SH3RF3: variants seen among roughly 807,000 people sequenced by gnomAD.
The protein encoded by SH3RF3 is E3 ubiquitin-protein ligase SH3RF3.
Under a neutral mutation model 66.3 loss-of-function variants are expected in SH3RF3, and 29 were observed. The ratio of observed to expected loss-of-function variants is 0.44; its 90% CI spans 0.33 to 0.60. SH3RF3 has a LOEUF of 0.60. Among genes scored for constraint, SH3RF3 ranks in the 20% least tolerant of loss-of-function variants. The pLI, the probability that SH3RF3 is intolerant of heterozygous loss-of-function variation, is 0.04. For synonymous variants in SH3RF3, 583 were observed against 532.0 expected, an observed-to-expected ratio of 1.10 and a Z score of -1.32; for missense variants, 1,194 against 1,190.9, an observed-to-expected ratio of 1.00 and a Z score of -0.04.
chr2:109,316,854 C>CT (rs1681897438), intron 1 of SH3RF3, among the ~76,000 whole-genome samples: 1 of 152,234 alleles, frequency 6.6e-6, no homozygotes, highest in South Asian at 2.1e-4. Context: ...TGTACTGTCG[C>CT]TGTAGTTCTG....
rs1678269881 is a variant in SH3RF3, at chr2:109,463,866, G to A, written c.2148+14377G>A. The stretch of plus-strand genomic sequence containing the variant: ...CTGTCACAACTGATTCCCTCAGCTG[G>A]GCTTTGAGGACTCTGCCAGAGGTGG... On this transcript the variant is annotated intron_variant, in intron 8 of 9. Transcript: ENST00000309415. 2.6e-5 allele frequency among the ~76,000 whole-genome samples: 4 copies of A among 152,132 alleles called. No homozygotes were observed. The South Asian group carries it at 8.3e-4, about 32-fold the overall frequency.
chr2:109,230,468 T>C (rs961647221), intron 1 of SH3RF3, among the ~76,000 whole-genome samples: 1 of 152,106 alleles, frequency 6.6e-6, no homozygotes, highest in African/African-American at 2.4e-5. Context: ...TTATCCCAGT[T>C]ACTCGGGGGG....
chr2:109,481,029 G>A (rs1032599366), intron 8 of SH3RF3, among the ~76,000 whole-genome samples: 2 of 152,334 alleles, frequency 1.3e-5, no homozygotes, highest in Non-Finnish European at 2.9e-5. Context: ...CAGGCAAGAG[G>A]ACACCGATAG....
intron 5 of SH3RF3, among the ~76,000 whole-genome samples, chr2:109,422,450 C>T (rs1676908082): frequency 6.6e-6 from 1 of 152,198 alleles, no homozygotes; most frequent in South Asian, 2.1e-4. Context: ...CTTGCCCCTT[C>T]TTCCAGCATG....
At chr2:109,375,400 G>A (rs1559049851) in intron 3 of SH3RF3, among the ~76,000 whole-genome samples, 1 of 152,222 alleles carries the variant, frequency 6.6e-6, no homozygotes, top group Non-Finnish European at 1.5e-5. Context: ...AGCGCCCCTT[G>A]CCAGGAGCCT....
At chr2:109,401,683 C>G (rs752507496) in intron 4 of SH3RF3, among the ~76,000 whole-genome samples, 2 of 152,200 alleles carry the variant, frequency 1.3e-5, no homozygotes, top group Non-Finnish European at 2.9e-5. Context: ...TCCCACAGGC[C>G]CCTGAGATGT....
chr2:109,376,021 G>A (rs547550772), intron 3 of SH3RF3, among the ~76,000 whole-genome samples: 1 of 152,390 alleles, frequency 6.6e-6, no homozygotes, highest in African/African-American at 2.4e-5. Context: ...GACGTCATGG[G>A]CTAGCCATGG....
chr2:109,304,573 C>T (rs376867250), intron 1 of SH3RF3, among the ~76,000 whole-genome samples: 2 of 152,270 alleles, frequency 1.3e-5, no homozygotes, highest in South Asian at 2.1e-4. Flanking sequence ...CCGCTGCACC[C>T]GTCGGCACTG....
chr2:109,490,693 A>G lies in SH3RF3; in HGVS notation c.2237A>G (p.His746Arg). Reference sequence around the variant, plus strand: ...TCCCCGCCATCTGTGTCTCCAACCCACGACCCCCAGGTGGCCGTGGACGCC... The same window carrying G: ...TCCCCGCCATCTGTGTCTCCAACCCGCGACCCCCAGGTGGCCGTGGACGCC... Reference protein sequence around the residue: ...SRSPPSVSPTHDPQVAVDALL... With the variant: ...SRSPPSVSPTRDPQVAVDALL... Residue 746 changes from histidine (H) to arginine (R), a missense_variant, in exon 9 of 10, where the codon CAC becomes CGC. Physicochemically the swap from His to Arg is conservative, Grantham distance 29 (BLOSUM62 0). Transcript: ENST00000309415. 2 of 1,531,048 alleles carry G rather than the reference A, an allele frequency of 1.3e-6. No homozygotes were observed. Among genetic ancestry groups the G allele is most frequent in the East Asian group, 4.9e-5 (2 of 40,618 alleles). The allele number at this position is 1,531,048 out of a possible 1,614,324, so 94.8% of individuals were successfully genotyped here.
chr2:109,285,467 AGT>A (rs1383886960), intron 1 of SH3RF3, among the ~76,000 whole-genome samples: 1 of 152,142 alleles, frequency 6.6e-6, no homozygotes, highest in Non-Finnish European at 1.5e-5. Context: ...CGTTTTTGTT[AGT>A]GTGTCTGGAC....
In SH3RF3 at chr2:109,194,172, T is replaced by C. The variant is rs117578516; in HGVS notation, c.573+64059T>C. ...CATGTGTCCAAGCCCTTCCCAGCAC[T>C]GGTTGGAATCCCTGAAACAGGCACA... On this transcript the variant is annotated intron_variant, in intron 1 of 9. Coordinates refer to ENST00000309415, the MANE Select transcript of SH3RF3 (RefSeq NM_001099289.3). Among the ~76,000 whole-genome samples, 1,225 of 152,346 alleles carry C rather than the reference T, an allele frequency of 8.0e-3. 12 individuals carry two copies. The highest frequency in any genetic ancestry group is 0.04 in the East Asian group (206 of 5,186).
intron 5 of SH3RF3, among the ~76,000 whole-genome samples, chr2:109,427,627 G>A (rs1375297695): frequency 6.6e-6 from 1 of 152,216 alleles, no homozygotes; most frequent in East Asian, 1.9e-4. Context: ...AAGTGTCAAA[G>A]GTGCTCAGTT....
chr2:109,294,491 GT>G (rs1681259920), intron 1 of SH3RF3, among the ~76,000 whole-genome samples: 1 of 151,590 alleles, frequency 6.6e-6, no homozygotes, highest in Non-Finnish European at 1.5e-5. Context: ...AACCCAGGAG[GT>G]GGAGGTTGCA....
intron 1 of SH3RF3, among the ~76,000 whole-genome samples, chr2:109,269,553 G>T (rs1485255543): frequency 6.6e-6 from 1 of 152,186 alleles, no homozygotes; most frequent in Admixed American, 6.5e-5. Context: ...GGCCAAGTCT[G>T]GTGGATCACT....
chr2:109,209,806 C>A (rs1678925998), intron 1 of SH3RF3, among the ~76,000 whole-genome samples: 1 of 152,136 alleles, frequency 6.6e-6, no homozygotes. Context: ...ATTGGACACT[C>A]CAGTATTCCA....
At position 109,186,452 on chromosome 2, in the gene SH3RF3, C is replaced by T. The variant is rs545751765; in HGVS notation, c.573+56339C>T. Reference sequence around the variant, plus strand: ...CTTTAGAGTGCAAACACTTCACCGCCGTGCTGGACCACCCGTGGGAGTTCA... The same window carrying T: ...CTTTAGAGTGCAAACACTTCACCGCTGTGCTGGACCACCCGTGGGAGTTCA... On this transcript the variant is annotated intron_variant, in intron 1 of 9. Transcript: ENST00000309415. Among the ~76,000 whole-genome samples, 14 of 152,356 alleles carry T rather than the reference C, an allele frequency of 9.2e-5. No homozygotes were observed. The East Asian group carries it at 2.5e-3, about 27-fold the overall frequency.
At chr2:109,154,401 G>A (rs11681808) in intron 1 of SH3RF3, among the ~76,000 whole-genome samples, 1 of 152,142 alleles carries the variant, frequency 6.6e-6, no homozygotes, top group African/African-American at 2.4e-5. Flanking sequence ...GCCCCCCAGC[G>A]CTGCTGCCAT....
At chr2:109,172,156 C>G (rs1677799157) in intron 1 of SH3RF3, among the ~76,000 whole-genome samples, 1 of 152,202 alleles carries the variant, frequency 6.6e-6, no homozygotes, top group African/African-American at 2.4e-5. Flanking sequence ...CCGGAGCCAT[C>G]TGGAATATGC....
chr2:109,189,206 A>G (rs556258522), intron 1 of SH3RF3, among the ~76,000 whole-genome samples: 4 of 151,510 alleles, frequency 2.6e-5, no homozygotes, highest in African/African-American at 9.7e-5. Flanking sequence ...TACCCCCGAG[A>G]TAGAGGAGGC....
Sources: gnomAD v4.1 joint callset for allele counts (sites outside exome capture counted in the v4.1 genomes callset) on GRCh38, gnomAD v4.1.1 for gene constraint, MANE v1.5 for transcripts, NCBI Gene and HGNC (gene_info 2026-07-23, HGNC 2026-07-21) for gene names.